Variants in SPART observed in about 807,000 individuals in gnomAD.
SPART encodes spastic paraplegia 20 (Troyer syndrome).
In SPART, 35 loss-of-function variants were observed where a neutral mutation model predicts 58.7. The ratio of observed to expected loss-of-function variants is 0.60; its 90% CI spans 0.46 to 0.79. SPART has a LOEUF of 0.79. Among genes scored for constraint, SPART ranks in the 30% least tolerant of loss-of-function variants. The pLI is 0.00. For missense variants in SPART, 730 were observed against 786.1 expected (o/e 0.93, Z 0.85); for synonymous variants, 284 against 280.7 (o/e 1.01, Z -0.12).
At chr13:36,312,526 T>C in intron 6 of SPART, 49 bp from the exon 7 acceptor site, 1 of 1,562,564 alleles carries the variant, frequency 6.4e-7, no homozygotes, top group South Asian at 1.1e-5. Flanking sequence ...TATTATTCCC[T>C]TGATTTTTAC....
chr13:36,323,139 C>G (rs940243395), intron 5 of SPART, among the ~76,000 whole-genome samples: 1 of 152,150 alleles, frequency 6.6e-6, no homozygotes, highest in Non-Finnish European at 1.5e-5. Context: ...GTGATCATTC[C>G]GTCTCACTCC....
At chr13:36,333,285 GAA>G (rs1400366477) in intron 2 of SPART, among the ~76,000 whole-genome samples, 1 of 151,940 alleles carries the variant, frequency 6.6e-6, no homozygotes, top group African/African-American at 2.4e-5. Context: ...AAAACCAAAA[GAA>G]AAATCTTTTT....
chr13:36,332,670 G>A (rs1436618946), intron 2 of SPART, among the ~76,000 whole-genome samples: 1 of 152,166 alleles, frequency 6.6e-6, no homozygotes, highest in African/African-American at 2.4e-5. Context: ...AAGCTCTCCT[G>A]CAATGTCATC....
chr13:36,304,135 G>T lies in SPART; in HGVS notation c.*230C>A. 1.7e-6 allele frequency: 1 copy of T among 583,342 alleles called. No homozygotes were observed. The allele number at this position is 583,342 out of a possible 1,614,324, so 36.1% of individuals were successfully genotyped here. ...TGCAAAAATATTTTAGCTACACTTGGAAAAAAATAAACTTGAGAATATAAC... is the reference window on the plus strand; with the variant it reads ...TGCAAAAATATTTTAGCTACACTTGTAAAAAAATAAACTTGAGAATATAAC... On this transcript the variant is annotated 3_prime_UTR_variant, in exon 9 of 9. Transcript: ENST00000438666.
Position 36,335,392 on chromosome 13 carries a change from T to G in SPART, c.439A>C (p.Thr147Pro). 6.2e-7 allele frequency: 1 copy of G among 1,613,928 alleles called. No homozygotes were observed. The highest frequency in any genetic ancestry group is 1.3e-5 in the African/African-American group (1 of 74,960). The change falls in exon 2 of 9, where the codon ACT (threonine) becomes CCT (proline). Residue 147 changes from threonine to proline, a missense_variant. Thr to Pro is a conservative substitution (Grantham distance 38). Transcript: ENST00000438666. ...QHAEVNGNTSTPSAGAVAAPA... is the reference protein window; with the variant it reads ...QHAEVNGNTSPPSAGAVAAPA... ...GCAGCAACTGCCCCTGCACTTGGAG[T>G]TGAGGTGTTTCCATTTACTTCAGCA...
chr13:36,315,229 C>T (rs1471907532), intron 5 of SPART, among the ~76,000 whole-genome samples: 2 of 152,068 alleles, frequency 1.3e-5, no homozygotes, highest in Non-Finnish European at 2.9e-5. Flanking sequence ...GACAAAAGGT[C>T]CTCAGCCAGT....
rs145153876 is a variant in SPART, at chr13:36,304,790, G to A, written c.1734-158C>T. 3.3e-3 allele frequency among the ~76,000 whole-genome samples: 497 copies of A among 152,276 alleles called. 1 individual carries two copies. Among genetic ancestry groups the A allele is most frequent in the African/African-American group, 0.011 (460 of 41,544 alleles). ...AATTAATAACTTAAAACACAGTAGA[G>A]AATGAAATCACACTCTGTGACAAAG... On this transcript the variant is annotated intron_variant, in intron 8 of 8. Transcript: ENST00000438666.
At chr13:36,368,028 G>C (rs1397754783) in intron 1 of SPART, among the ~76,000 whole-genome samples, 1 of 152,120 alleles carries the variant, frequency 6.6e-6, no homozygotes, top group Non-Finnish European at 1.5e-5. Context: ...TCAAAAAAAG[G>C]ATTCAATATA....
chr13:36,331,353 T>C (rs761001084), intron 3 of SPART, 46 bp downstream of exon 3: 21 of 1,535,420 alleles, frequency 1.4e-5, no homozygotes, highest in South Asian at 1.2e-4. Flanking sequence ...GAAGTGCTTA[T>C]GTTAAAGTAG....
rs1880005533 is a variant in SPART, at chr13:36,301,717, A to G, written c.*2648T>C. 6.6e-6 allele frequency: 1 copy of G among 152,216 alleles called. No individual in the cohort carries two copies. The highest frequency in any genetic ancestry group is 6.5e-5 in the Admixed American group (1 of 15,278). 9.4% of individuals were successfully genotyped at this position (152,216 alleles called of 1,614,324 possible). On this transcript the variant is annotated 3_prime_UTR_variant, in exon 9 of 9. Coordinates refer to ENST00000438666, the MANE Select transcript of SPART (RefSeq NM_015087.5). ...AAAGGGAAGTAATACTCAAGAGAAT[A>G]TCATCATTTTGGAAAATACCTGGCA...
At chr13:36,350,386 C>G (rs1354687237), upstream of SPART, among the ~76,000 whole-genome samples, 2 of 152,164 alleles carry the variant, frequency 1.3e-5, no homozygotes, top group Non-Finnish European at 2.9e-5. Flanking sequence ...CTGGGCCATT[C>G]CATGTATTAA....
At chr13:36,313,904 C>T (rs1362609989) in intron 6 of SPART, 4 of 357,314 alleles carry the variant, frequency 1.1e-5, no homozygotes, top group South Asian at 6.1e-5. Context: ...ACATTCTCCT[C>T]TCCAACACAT....
chr13:36,325,586 A>G (rs536945801), intron 5 of SPART, among the ~76,000 whole-genome samples: 2 of 152,288 alleles, frequency 1.3e-5, no homozygotes, highest in South Asian at 4.1e-4. Flanking sequence ...GACTGGCAAT[A>G]TTTTTTAAAA....
At chr13:36,323,176 G>C (rs925012928) in intron 5 of SPART, among the ~76,000 whole-genome samples, 1 of 152,204 alleles carries the variant, frequency 6.6e-6, no homozygotes, top group Non-Finnish European at 1.5e-5. Flanking sequence ...TAGCATTCCA[G>C]AGTCCATCTG....
At chr13:36,351,706 A>G (rs111858314) in intron 1 of SPART, among the ~76,000 whole-genome samples, 13 of 152,344 alleles carry the variant, frequency 8.5e-5, no homozygotes, top group African/African-American at 3.1e-4. Flanking sequence ...TGATTATGCT[A>G]AAGACTTTTG....
intron 1 of SPART, among the ~76,000 whole-genome samples, chr13:36,364,078 A>C (rs1242291993): frequency 6.6e-6 from 1 of 152,102 alleles, no homozygotes; most frequent in Non-Finnish European, 1.5e-5. Flanking sequence ...AGTCTTCCTG[A>C]TTGCTAAAAG....
At chr13:36,341,248 A>G (rs1376111932) in intron 1 of SPART, among the ~76,000 whole-genome samples, 1 of 152,246 alleles carries the variant, frequency 6.6e-6, no homozygotes, top group Non-Finnish European at 1.5e-5. Context: ...TGGAAGCTTT[A>G]GAGCAACTAT....
At position 36,360,972 on chromosome 13, in the gene SPART, A is replaced by G. The variant is rs1414657822; in HGVS notation, c.-3+9117T>C. Among the ~76,000 whole-genome samples the G allele has an allele frequency of 1.9e-4, 29 of 152,238 alleles. 1 individual carries two copies. The highest frequency in any genetic ancestry group is 1.8e-3 in the Admixed American group (27 of 15,280). ...CTGTGATGGTTAGACAACTCTGTCC[A>G]GAAATGTCTTGGGAGCTGTCATATT... is the stretch of plus-strand genomic sequence containing the variant. On this transcript the variant is annotated intron_variant, in intron 1 of 8. Transcript: ENST00000355182.
intron 1 of SPART, among the ~76,000 whole-genome samples, chr13:36,345,993 T>C (rs1246460767): frequency 1.3e-5 from 2 of 152,154 alleles, no homozygotes; most frequent in East Asian, 1.9e-4. Context: ...CTTCCCTAAA[T>C]ACCACACTCC....
Sources: gnomAD v4.1 joint callset for allele counts (sites outside exome capture counted in the v4.1 genomes callset) on GRCh38, gnomAD v4.1.1 for gene constraint, MANE v1.5 for transcripts, NCBI Gene and HGNC (gene_info 2026-07-23, HGNC 2026-07-21) for gene names.